The following CSMD1 variants were observed in gnomAD, a reference collection of about 807,000 sequenced individuals.
CSMD1 encodes CUB and sushi domain-containing protein 1.
CSMD1 carries 213 observed loss-of-function variants against 417.5 expected under a neutral mutation model. The observed-to-expected ratio is 0.51, with a 90% CI of 0.46 to 0.57. The LOEUF is 0.57. CSMD1 is among the 20% of genes least tolerant of loss of function. The probability of loss-of-function intolerance (pLI) is 0.00; values close to 1 mark genes in which losing one functional copy is unlikely to be tolerated. For missense variants in CSMD1, 6,923 were observed against 4,529.7 expected, an observed-to-expected ratio of 1.53 and a Z score of -15.17; for synonymous variants, 2,862 against 1,736.8, an observed-to-expected ratio of 1.65 and a Z score of -16.11.
chr8:3,994,255 T>C (rs1235041913), intron 5 of CSMD1, among the ~76,000 whole-genome samples: 3 of 152,158 alleles, frequency 2.0e-5, no homozygotes, highest in South Asian at 4.1e-4. Context: ...TCTTTTGTTA[T>C]ATAAGTTCAT....
At chr8:3,255,030 G>T (rs561356945) in intron 26 of CSMD1, among the ~76,000 whole-genome samples, 1 of 152,254 alleles carries the variant, frequency 6.6e-6, no homozygotes, top group African/African-American at 2.4e-5. Flanking sequence ...TGATGATGGT[G>T]ATGTACAGAT....
intron 2 of CSMD1, among the ~76,000 whole-genome samples, chr8:4,441,043 T>C (rs999457353): frequency 6.8e-6 from 1 of 146,376 alleles, no homozygotes; most frequent in African/African-American, 2.5e-5. Flanking sequence ...ACATCTATTA[T>C]CATTTTAAAA....
intron 1 of CSMD1, among the ~76,000 whole-genome samples, chr8:4,814,341 G>A (rs1799081116): frequency 6.6e-6 from 1 of 152,156 alleles, no homozygotes; most frequent in African/African-American, 2.4e-5. Flanking sequence ...TGCCTCACAG[G>A]TTCAAGCAAA....
intron 5 of CSMD1, among the ~76,000 whole-genome samples, chr8:3,766,800 G>C (rs997468968): frequency 6.6e-6 from 1 of 152,010 alleles, no homozygotes; most frequent in African/African-American, 2.4e-5. Context: ...CTTGGGATAA[G>C]AACAAGTCTT....
intron 1 of CSMD1, among the ~76,000 whole-genome samples, chr8:4,738,950 T>C (rs1366006772): frequency 7.5e-6 from 1 of 133,160 alleles, no homozygotes; most frequent in African/African-American, 2.8e-5. Flanking sequence ...GTCCAAAATT[T>C]TGAAGGGCTT....
intron 3 of CSMD1, among the ~76,000 whole-genome samples, chr8:4,272,030 T>TA (rs1804631926): frequency 6.6e-6 from 1 of 152,136 alleles, no homozygotes; most frequent in African/African-American, 2.4e-5. Flanking sequence ...CATGTTTGGT[T>TA]GAAAAAAATT....
chr8:4,907,524 A>AT (rs11397505), intron 1 of CSMD1, among the ~76,000 whole-genome samples: 38,646 of 145,254 alleles, frequency 0.27, 5,502 homozygotes, highest in East Asian at 0.52. Context: ...TGGAAAAAAA[A>AT]TTTAAATTAT....
chr8:4,350,881 G>A (rs1009658382), intron 3 of CSMD1, among the ~76,000 whole-genome samples: 5 of 152,170 alleles, frequency 3.3e-5, no homozygotes, highest in African/African-American at 1.2e-4. Context: ...TGGATGGAGG[G>A]GAAAGGATGT....
intron 33 of CSMD1, among the ~76,000 whole-genome samples, chr8:3,196,476 A>T (rs1428444841): frequency 6.6e-6 from 1 of 152,144 alleles, no homozygotes; most frequent in Non-Finnish European, 1.5e-5. Context: ...CTTGCGCGAG[A>T]TCCAAGAACC....
intron 3 of CSMD1, among the ~76,000 whole-genome samples, chr8:4,292,570 G>A (rs1303114719): frequency 2.0e-5 from 3 of 152,022 alleles, no homozygotes; most frequent in African/African-American, 7.2e-5. Flanking sequence ...TTTTTTAACT[G>A]AATGGAATTT....
intron 2 of CSMD1, among the ~76,000 whole-genome samples, chr8:4,612,094 A>C (rs967237483): frequency 6.6e-6 from 1 of 152,140 alleles, no homozygotes; most frequent in Admixed American, 6.5e-5. Context: ...TGGGAAGAGG[A>C]GGCACAGACT....
At chr8:3,021,844 C>T (rs1809433805) in intron 51 of CSMD1, among the ~76,000 whole-genome samples, 1 of 150,966 alleles carries the variant, frequency 6.6e-6, no homozygotes, top group Non-Finnish European at 1.5e-5. Flanking sequence ...CACCTGCAAT[C>T]CCACAGCATC....
At chr8:4,962,118 T>C (rs1404151036) in intron 1 of CSMD1, among the ~76,000 whole-genome samples, 5 of 151,770 alleles carry the variant, frequency 3.3e-5, no homozygotes, top group Admixed American at 2.6e-4. Context: ...TTTGTTGTTT[T>C]TTTTTTGTAT....
intron 26 of CSMD1, among the ~76,000 whole-genome samples, chr8:3,258,983 C>A (rs1466599380): frequency 6.6e-6 from 1 of 152,166 alleles, no homozygotes; most frequent in East Asian, 1.9e-4. Context: ...GGAAAAATAA[C>A]TAATGGGTAC....
At chr8:3,347,594 T>A (rs1043018229) in intron 22 of CSMD1, among the ~76,000 whole-genome samples, 3 of 152,236 alleles carry the variant, frequency 2.0e-5, no homozygotes, top group Non-Finnish European at 4.4e-5. Context: ...ATCCTGCAAC[T>A]TTTAATAATT....
intron 5 of CSMD1, among the ~76,000 whole-genome samples, chr8:3,898,425 G>A (rs1396355663): frequency 6.6e-6 from 1 of 152,200 alleles, no homozygotes; most frequent in Admixed American, 6.5e-5. Context: ...AAGTGTTAAA[G>A]TTTGTGTGAC....
chr8:4,876,046 A>C (rs7004168), intron 1 of CSMD1, among the ~76,000 whole-genome samples: 63 of 152,110 alleles, frequency 4.1e-4, no homozygotes, highest in Non-Finnish European at 8.4e-4. Flanking sequence ...AAACCTATCA[A>C]TTCAATTCTT....
intron 3 of CSMD1, among the ~76,000 whole-genome samples, chr8:4,040,190 GAGA>G (rs1797814634): frequency 6.6e-6 from 1 of 152,046 alleles, no homozygotes; most frequent in Admixed American, 6.6e-5. Flanking sequence ...GGAAGTGAAG[GAGA>G]AGGACATCGT....
At chr8:3,330,005 G>A (rs553261858) in intron 23 of CSMD1, among the ~76,000 whole-genome samples, 44 of 152,290 alleles carry the variant, frequency 2.9e-4, no homozygotes, top group African/African-American at 9.4e-4. Flanking sequence ...AGAAATGTTT[G>A]ATGTTTTGTG....
Sources: gnomAD v4.1 joint callset for allele counts (sites outside exome capture counted in the v4.1 genomes callset) on GRCh38, gnomAD v4.1.1 for gene constraint, MANE v1.5 for transcripts, NCBI Gene and HGNC (gene_info 2026-07-23, HGNC 2026-07-21) for gene names.